KLF15: variants seen among roughly 807,000 people sequenced by gnomAD.
The protein encoded by KLF15 is Krueppel-like factor 15.
Under a neutral mutation model 24.6 loss-of-function variants are expected in KLF15, and 4 were observed. That is an observed-to-expected ratio of 0.16 (90% confidence interval 0.08 to 0.37). KLF15 has a LOEUF of 0.37. Ranked by LOEUF, KLF15 falls within the 10% of genes least tolerant of loss-of-function variation. KLF15 has a pLI of 1.00. For missense variants in KLF15, 496 were observed against 560.6 expected, an observed-to-expected ratio of 0.88 and a Z score of 1.16; for synonymous variants, 246 against 236.3, an observed-to-expected ratio of 1.04 and a Z score of -0.37.
Position 126,352,252 on chromosome 3 carries a change from T to C in KLF15, c.671A>G (p.Gln224Arg). 6.5e-7 allele frequency: 1 copy of C among 1,538,898 alleles called. No homozygotes were observed. The highest frequency in any genetic ancestry group is 8.7e-7 in the Non-Finnish European group (1 of 1,145,252). Residue 224 changes from glutamine to arginine, a missense_variant, in exon 2 of 3, where the codon CAG (glutamine) becomes CGG (arginine). Gln to Arg is a conservative substitution (Grantham distance 43). Around this residue, in one of 3 missense-constraint regions of KLF15, gnomAD observed 399 missense variants for 423.1 expected, o/e 0.94. Transcript: ENST00000296233. ...DGPIPVLLQIQPVPVKQESGT... is the reference protein window; with the variant it reads ...DGPIPVLLQIRPVPVKQESGT... ...CGATTCCTGCTTCACAGGCACGGGCTGGATCTGCAGCAACACTGGGATGGG... is the reference window on the plus strand; with the variant it reads ...CGATTCCTGCTTCACAGGCACGGGCCGGATCTGCAGCAACACTGGGATGGG...
the KLF15 span, among the ~76,000 whole-genome samples, chr3:126,289,922 A>T: frequency 2.6e-5 from 4 of 152,184 alleles, no homozygotes; most frequent in African/African-American, 9.7e-5. Flanking sequence ...GCTGGAGGGG[A>T]CAGAGGGAGG....
the KLF15 span, among the ~76,000 whole-genome samples, chr3:126,323,419 A>ATAACATATATATGT: frequency 1.9e-4 from 9 of 47,568 alleles, no homozygotes; most frequent in Non-Finnish European, 3.1e-4. Context: ...ATATATATAT[A>ATAACATATATATGT]TATATATATA....
chr3:126,355,204 A>C (rs1488968159), intron 1 of KLF15, among the ~76,000 whole-genome samples: 2 of 152,250 alleles, frequency 1.3e-5, no homozygotes, highest in Admixed American at 1.3e-4. Context: ...TGATGATCAT[A>C]TTGTGGTTAA....
chr3:126,300,207 C>T, the KLF15 span, among the ~76,000 whole-genome samples: 2 of 152,124 alleles, frequency 1.3e-5, no homozygotes, highest in Non-Finnish European at 2.9e-5. Flanking sequence ...GTACCAGTTT[C>T]AGGAGTAATT....
At chr3:126,323,066 T>C in the KLF15 span, among the ~76,000 whole-genome samples, 2 of 151,422 alleles carry the variant, frequency 1.3e-5, no homozygotes, top group African/African-American at 4.9e-5. Context: ...TGATTATACA[T>C]ATTGACATTT....
intron 2 of KLF15, among the ~76,000 whole-genome samples, chr3:126,346,972 G>T (rs1266210497): frequency 6.6e-6 from 1 of 152,194 alleles, no homozygotes; most frequent in African/African-American, 2.4e-5. Flanking sequence ...ACCAGTAACG[G>T]TTTAGAGCCC....
the KLF15 span, among the ~76,000 whole-genome samples, chr3:126,326,801 C>G: frequency 6.6e-6 from 1 of 151,916 alleles, no homozygotes; most frequent in Non-Finnish European, 1.5e-5. Flanking sequence ...TAATTATTAA[C>G]TAGAGTTTAA....
chr3:126,339,503 C>T (rs2082463628), downstream of KLF15, among the ~76,000 whole-genome samples: 2 of 152,144 alleles, frequency 1.3e-5, no homozygotes. Context: ...ATGCTGCTCT[C>T]TTTGCCTCAT....
intron 2 of KLF15, among the ~76,000 whole-genome samples, chr3:126,349,437 A>G (rs936408356): frequency 6.6e-6 from 1 of 152,172 alleles, no homozygotes; most frequent in African/African-American, 2.4e-5. Context: ...CCTGGGCAGC[A>G]CGACCAGTGC....
At chr3:126,316,402 G>A in the KLF15 span, among the ~76,000 whole-genome samples, 1 of 150,216 alleles carries the variant, frequency 6.7e-6, no homozygotes, top group Admixed American at 6.6e-5. Flanking sequence ...GCAGCGCTGG[G>A]CATCCATGGG....
rs886248492 is a variant in KLF15 at position 126,352,281 on chromosome 3, A to G, written c.642T>C (p.Asp214=). 2 of 1,542,214 alleles carry G rather than the reference A, an allele frequency of 1.3e-6. No individual in the cohort carries two copies. Among genetic ancestry groups the G allele is most frequent in the Non-Finnish European group, 1.7e-6 (2 of 1,147,656 alleles). ...TCTGCAGCAACACTGGGATGGGGCC[A>G]TCAGGCGTGGGGCCCCCACCTGGGC... ...AQGPGGGPTP[D]GPIPVLLQIQ... is the part of the protein sequence containing the mutation. Residue 214 remains aspartate, a synonymous_variant, in exon 2 of 3, where the codon GAT becomes GAC. Coordinates refer to ENST00000296233, the MANE Select transcript of KLF15 (RefSeq NM_014079.4).
At chr3:126,349,328 GC>G (rs1031871055) in intron 2 of KLF15, among the ~76,000 whole-genome samples, 1 of 152,190 alleles carries the variant, frequency 6.6e-6, no homozygotes, top group Non-Finnish European at 1.5e-5. Flanking sequence ...CCCTCAGGAA[GC>G]CCGGGGCATG....
At chr3:126,329,930 T>C in the KLF15 span, among the ~76,000 whole-genome samples, 1 of 152,170 alleles carries the variant, frequency 6.6e-6, no homozygotes, top group Admixed American at 6.5e-5. Context: ...GTTGCAGTTT[T>C]TAGTTGATTT....
Position 126,352,579 on chromosome 3 carries a change from A to T in KLF15, c.344T>A (p.Val115Glu), listed in dbSNP as rs1437070617. 3 of 1,612,564 alleles carry T rather than the reference A, an allele frequency of 1.9e-6. No homozygotes were observed. The Admixed American group carries it at 5.0e-5, about 27-fold the overall frequency. The change falls in exon 2 of 3, where the codon GTG becomes GAG. Residue 115 changes from valine to glutamate, a missense_variant. Around this residue, in one of 3 missense-constraint regions of KLF15, gnomAD observed 399 missense variants for 423.1 expected, o/e 0.94. Transcript: ENST00000296233. ...GGGCAAGCAGAAATGCTCCCCCTTC[A>T]CAGGGGCCGCTGCCCTTCGCCAGGG... is the stretch of plus-strand genomic sequence containing the variant. ...WGPWRRAAAP[V>E]KGEHFCLPEF...
chr3:126,315,515 G>A, the KLF15 span, among the ~76,000 whole-genome samples: 1 of 152,086 alleles, frequency 6.6e-6, no homozygotes, highest in Non-Finnish European at 1.5e-5. Context: ...CCAGACATTG[G>A]GATCCTGGGC....
In KLF15 at chr3:126,350,773, CAT is replaced by C. The variant is rs539723586; in HGVS notation, c.1082+1066_1082+1067del. Among the ~76,000 whole-genome samples, 160 of 152,350 alleles carry C rather than the reference CAT, an allele frequency of 1.1e-3. 1 individual carries two copies. Among genetic ancestry groups the C allele is most frequent in the African/African-American group, 3.6e-3 (151 of 41,588 alleles). On this transcript the variant is annotated intron_variant, in intron 2 of 2. Transcript: ENST00000296233. ...ACACAAAGAAAGCAAGATGCATACA[CAT>C]GTGGGTGTGCACACACACAGCCACA...
chr3:126,289,204 T>TA, the KLF15 span, among the ~76,000 whole-genome samples: 1 of 152,336 alleles, frequency 6.6e-6, no homozygotes, highest in Middle Eastern at 3.4e-3. Flanking sequence ...GCTAAACATT[T>TA]AAAAAATCTA....
the KLF15 span, among the ~76,000 whole-genome samples, chr3:126,333,597 A>G: frequency 6.8e-6 from 1 of 147,098 alleles, no homozygotes; most frequent in Non-Finnish European, 1.5e-5. Context: ...TAAATGGACT[A>G]AATTCTCCAA....
the KLF15 span, among the ~76,000 whole-genome samples, chr3:126,312,368 C>T: frequency 1.3e-5 from 2 of 152,044 alleles, no homozygotes; most frequent in South Asian, 2.1e-4. Flanking sequence ...AGACATGGGG[C>T]GTCACTATGT....
Sources: allele counts gnomAD v4.1 joint callset (sites outside exome capture counted in the v4.1 genomes callset), GRCh38; gene constraint gnomAD v4.1.1; regional missense constraint gnomAD v4.1.1; transcripts MANE v1.5; gene names NCBI Gene and HGNC (gene_info 2026-07-23, HGNC 2026-07-21).